TRPC4AP: variants seen among roughly 807,000 people sequenced by gnomAD.
TRPC4AP encodes the protein short transient receptor potential channel 4-associated protein.
TRPC4AP carries 45 observed loss-of-function variants against 99.0 expected under a neutral mutation model. The ratio of observed to expected loss-of-function variants is 0.45; its 90% CI spans 0.36 to 0.58. The LOEUF is 0.58. Among genes scored for constraint, TRPC4AP ranks in the 20% least tolerant of loss-of-function variants. The pLI is 0.00. For synonymous variants in TRPC4AP, 408 were observed against 385.8 expected (o/e 1.06, Z -0.67); for missense variants, 879 against 985.3 (o/e 0.89, Z 1.44).
intron 8 of TRPC4AP, among the ~76,000 whole-genome samples, chr20:35,023,399 G>A (rs1346742034): frequency 3.3e-5 from 5 of 152,178 alleles, no homozygotes; most frequent in Admixed American, 3.3e-4. Flanking sequence ...CTAAATAGAA[G>A]TTAAGTTCTC....
At chr20:35,006,377 C>T in intron 15 of TRPC4AP, 58 bp downstream of exon 15, 1 of 1,589,630 alleles carries the variant, frequency 6.3e-7, no homozygotes, top group Non-Finnish European at 8.6e-7. Flanking sequence ...CAGACCAGGA[C>T]TCCAGGTGAA....
intron 1 of TRPC4AP, among the ~76,000 whole-genome samples, chr20:35,078,761 G>A (rs1389580209): frequency 6.6e-6 from 1 of 152,126 alleles, no homozygotes; most frequent in Non-Finnish European, 1.5e-5. Flanking sequence ...TATACATATA[G>A]ATAGGTTAAA....
chr20:35,092,232 C>CA (rs2085089955), intron 1 of TRPC4AP, among the ~76,000 whole-genome samples: 1 of 151,806 alleles, frequency 6.6e-6, no homozygotes, highest in African/African-American at 2.4e-5. Flanking sequence ...TTGGGGGCTG[C>CA]AATGATGACC....
chr20:35,022,809 C>T (rs2082925522), intron 8 of TRPC4AP, among the ~76,000 whole-genome samples: 1 of 152,062 alleles, frequency 6.6e-6, no homozygotes, highest in Non-Finnish European at 1.5e-5. Flanking sequence ...CTGCTTGAGC[C>T]TAGGAGTTTG....
At chr20:35,023,430 G>A (rs917648340) in intron 8 of TRPC4AP, among the ~76,000 whole-genome samples, 3 of 152,198 alleles carry the variant, frequency 2.0e-5, no homozygotes, top group Non-Finnish European at 4.4e-5. Flanking sequence ...GTTTTTCTGC[G>A]AATGCTTGCT....
intron 3 of TRPC4AP, among the ~76,000 whole-genome samples, chr20:35,060,586 A>G (rs879709479): frequency 0.23 from 6,985 of 30,400 alleles, 168 homozygotes; most frequent in Middle Eastern, 0.37. Flanking sequence ...CCTTGTCTCC[A>G]AAAAAAAAAA....
chr20:35,006,830 C>A (rs2082528776), intron 14 of TRPC4AP, among the ~76,000 whole-genome samples: 1 of 152,230 alleles, frequency 6.6e-6, no homozygotes, highest in South Asian at 2.1e-4. Context: ...AAGCCTGTGA[C>A]CTGCTCTGTG....
chr20:35,040,584 T>G (rs938337674), intron 7 of TRPC4AP, among the ~76,000 whole-genome samples: 1 of 152,206 alleles, frequency 6.6e-6, no homozygotes, highest in Non-Finnish European at 1.5e-5. Flanking sequence ...TTCTCCAGCT[T>G]GCAGACGGCT....
Position 35,078,114 on chromosome 20 carries a change from G to C in TRPC4AP, c.229C>G (p.Leu77Val). 1.2e-6 allele frequency: 2 copies of C among 1,613,996 alleles called. No individual in the cohort carries two copies. Among genetic ancestry groups the C allele is most frequent in the Non-Finnish European group, 1.7e-6 (2 of 1,179,934 alleles). The part of the protein sequence containing the change: ...KQSKWSGIPQ[L>V]LLKLHTTSHL... ...CTGGTGGTGTGCAGCTTGAGGAGCA[G>C]CTGAGGAATTCCACTCCACTTGGAT... Residue 77 changes from leucine (L) to valine (V), a missense_variant, in exon 2 of 19, where the codon CTG (leucine) becomes GTG (valine). This residue lies in a region of TRPC4AP where 603 missense variants were observed against 631.8 expected (regional missense o/e 0.95). Transcript: ENST00000252015.
Position 35,006,421 on chromosome 20 carries a change from T to G in TRPC4AP, c.1827+14A>C, listed in dbSNP as rs768100324. On this transcript the variant is annotated intron_variant, in intron 15 of 18. Transcript: ENST00000252015. ...CAACCCAGCACACTCCACAGAGCCC[T>G]GGGTTAACTTTACCTTTGCATCGGT... 1 of 1,613,512 alleles carries G rather than the reference T, an allele frequency of 6.2e-7. No individual in the cohort carries two copies. The highest frequency in any genetic ancestry group is 8.5e-7 in the Non-Finnish European group (1 of 1,179,556).
chr20:35,024,013 G>A (rs1327153603), intron 8 of TRPC4AP, among the ~76,000 whole-genome samples: 2 of 152,146 alleles, frequency 1.3e-5, no homozygotes. Context: ...GATGAGGATG[G>A]GAAAACCAGC....
rs377620324 is a variant in TRPC4AP, at chr20:35,069,955, A to C, written c.298-543T>G. Among the ~76,000 whole-genome samples, 88 of 152,124 alleles carry C rather than the reference A, an allele frequency of 5.8e-4. 3 individuals carry two copies. The South Asian group carries it at 0.018, about 31-fold the overall frequency. On this transcript the variant is annotated intron_variant, in intron 2 of 18. Coordinates refer to ENST00000252015, the MANE Select transcript of TRPC4AP (RefSeq NM_015638.3). Reference sequence around the variant, plus strand: ...GACTCTGTCATTAAAAAAAAATAAAAAGCCTGACAGACTTCGCTCTTGCCA... The same window carrying C: ...GACTCTGTCATTAAAAAAAAATAAACAGCCTGACAGACTTCGCTCTTGCCA...
At chr20:35,041,610 G>T (rs925531025) in intron 7 of TRPC4AP, among the ~76,000 whole-genome samples, 8 of 152,176 alleles carry the variant, frequency 5.3e-5, no homozygotes, top group Non-Finnish European at 7.3e-5. Context: ...AAAAAGCCCA[G>T]CTGACCAGAA....
At chr20:35,075,147 G>A (rs1000133228) in intron 2 of TRPC4AP, among the ~76,000 whole-genome samples, 1 of 151,492 alleles carries the variant, frequency 6.6e-6, no homozygotes, top group Non-Finnish European at 1.5e-5. Context: ...TTGAGCCTAT[G>A]TGTGTCTCTG....
At position 35,057,545 on chromosome 20, in the gene TRPC4AP, A is replaced by G. The variant is rs1268684789; in HGVS notation, c.441T>C (p.Pro147=). The change falls in exon 4 of 19, where the codon CCT becomes CCC. Residue 147 remains proline (P), a synonymous_variant. Transcript: ENST00000252015. Reference sequence around the variant, plus strand: ...GTTTCTGTCCCCGGATAGAGATCGTAGGCCTCATAAGAATTTCTACAAGAA... The same window carrying G: ...GTTTCTGTCCCCGGATAGAGATCGTGGGCCTCATAAGAATTTCTACAAGAA... ...VDLLVEILMR[P]TISIRGQKLK... 6.2e-7 allele frequency: 1 copy of G among 1,612,040 alleles called. No individual in the cohort carries two copies. The highest frequency in any genetic ancestry group is 2.2e-5 in the East Asian group (1 of 44,854).
At chr20:35,047,929 G>A (rs745768612) in intron 6 of TRPC4AP, among the ~76,000 whole-genome samples, 6 of 152,104 alleles carry the variant, frequency 3.9e-5, no homozygotes, top group Non-Finnish European at 7.4e-5. Context: ...CACAAGATAT[G>A]TGCCTGTTCA....
At chr20:35,068,286 A>T (rs1404486664) in intron 3 of TRPC4AP, among the ~76,000 whole-genome samples, 1 of 152,220 alleles carries the variant, frequency 6.6e-6, no homozygotes, top group African/African-American at 2.4e-5. Flanking sequence ...GGGTAAACAG[A>T]CGCTCATACT....
chr20:35,019,187 C>T (rs1339626650), intron 9 of TRPC4AP, among the ~76,000 whole-genome samples: 2 of 152,184 alleles, frequency 1.3e-5, no homozygotes, highest in Non-Finnish European at 2.9e-5. Flanking sequence ...TAGGCAGGAT[C>T]TGGGAATCCA....
intron 3 of TRPC4AP, among the ~76,000 whole-genome samples, chr20:35,060,042 A>G (rs1036032848): frequency 6.6e-6 from 1 of 152,206 alleles, no homozygotes; most frequent in Non-Finnish European, 1.5e-5. Flanking sequence ...AAAACTACCC[A>G]TAAAGAAAAA....
Sources: gnomAD v4.1 joint callset for allele counts (sites outside exome capture counted in the v4.1 genomes callset) on GRCh38, gnomAD v4.1.1 for gene constraint, gnomAD v4.1.1 regional missense constraint, MANE v1.5 for transcripts, NCBI Gene and HGNC (gene_info 2026-07-23, HGNC 2026-07-21) for gene names.